ATG3: variants seen among roughly 807,000 people sequenced by gnomAD.
ATG3 encodes the protein autophagy related 3, also known as ubiquitin-like-conjugating enzyme ATG3.
In ATG3, 25 loss-of-function variants were observed where a neutral mutation model predicts 50.7. The ratio of observed to expected loss-of-function variants is 0.49; its 90% CI spans 0.36 to 0.69. ATG3 has a LOEUF of 0.69. ATG3 is among the 30% of genes least tolerant of loss of function. The pLI is 0.00. For missense variants in ATG3, 281 were observed against 376.0 expected (o/e 0.75, Z 2.09); for synonymous variants, 119 against 125.5 (o/e 0.95, Z 0.34).
intron 4 of ATG3, 88 bp downstream of exon 4, chr3:112,550,104 A>G: frequency 1.0e-6 from 1 of 956,776 alleles, no homozygotes; most frequent in South Asian, 1.7e-5. Flanking sequence ...AAACTAAGGA[A>G]AAAATTTTCA....
Position 112,538,150 on chromosome 3 carries a change from T to G in ATG3, c.506A>C (p.Asp169Ala). 1 of 1,581,790 alleles carries G rather than the reference T, an allele frequency of 6.3e-7. No homozygotes were observed. Among genetic ancestry groups the G allele is most frequent in the Non-Finnish European group, 8.6e-7 (1 of 1,160,542 alleles). ...AAGAAAACTCAATTTACAAACCTCA[T>G]CTGTTTCCAACAATCCACTCTCTTC... ...EYEESGLLET[D>A]EATLDTRKIV... is the part of the protein sequence containing the mutation. Residue 169 changes from aspartate to alanine, a missense_variant, in exon 8 of 12, where the codon GAT becomes GCT. Asp to Ala is a moderately radical substitution (Grantham distance 126). Around this residue, in one of 3 missense-constraint regions of ATG3, gnomAD observed 242 missense variants for 305.0 expected, o/e 0.79. Coordinates refer to ENST00000283290, the MANE Select transcript of ATG3 (RefSeq NM_022488.5).
intron 7 of ATG3, 172 bp from the exon 8 acceptor site, chr3:112,538,352 C>T (rs1343614501): frequency 1.1e-5 from 6 of 562,570 alleles, no homozygotes; most frequent in East Asian, 3.2e-5. Flanking sequence ...CTTCCAAAGG[C>T]GAAAGCCCAG....
At position 112,561,618 on chromosome 3, in the gene ATG3, A is replaced by G. The variant is rs542311905; in HGVS notation, c.-90T>C. 379 of 1,333,922 alleles carry G rather than the reference A, an allele frequency of 2.8e-4. No individual in the cohort carries two copies. The highest frequency in any genetic ancestry group is 7.7e-4 in the Middle Eastern group (4 of 5,224). 82.6% of individuals were successfully genotyped at this position (1,333,922 alleles called of 1,614,324 possible). A position where few individuals can be genotyped will look rare whatever the true frequency, so the allele number is the denominator to read the frequency against. ...GGAGTCAGAAAATGTCCTCGCTGCC[A>G]CCGACTCGCATCAGCACCCGGCTGG... On this transcript the variant is annotated 5_prime_UTR_variant, in exon 1 of 12. Coordinates refer to ENST00000283290, the MANE Select transcript of ATG3 (RefSeq NM_022488.5).
intron 5 of ATG3, among the ~76,000 whole-genome samples, chr3:112,546,568 C>A (rs1372750236): frequency 6.6e-6 from 1 of 152,200 alleles, no homozygotes; most frequent in Non-Finnish European, 1.5e-5. Flanking sequence ...ACTCTGTATA[C>A]ATCCTATGGG....
chr3:112,536,170 A>C, intron 10 of ATG3: 1 of 278,206 alleles, frequency 3.6e-6, no homozygotes, highest in Non-Finnish European at 6.8e-6. Flanking sequence ...CAAAAACAGA[A>C]TCTTCCAAAC....
chr3:112,540,629 G>A lies in ATG3; in HGVS notation c.475+1174C>T, dbSNP rs182468558. ...TCTGGGAGTACAGAGAGTAAGCAAGGGGAAAAAAAAAAGAAACCCACGGAA... is the reference window on the plus strand; with the variant it reads ...TCTGGGAGTACAGAGAGTAAGCAAGAGGAAAAAAAAAAGAAACCCACGGAA... On this transcript the variant is annotated intron_variant, in intron 7 of 11. Transcript: ENST00000283290. 6.5e-3 allele frequency among the ~76,000 whole-genome samples: 975 copies of A among 149,000 alleles called. 10 individuals are homozygous for A. Among genetic ancestry groups the A allele is most frequent in the Non-Finnish European group, 8.4e-3 (570 of 67,622 alleles).
chr3:112,533,272 C>A, intron 11 of ATG3: 6 of 984,758 alleles, frequency 6.1e-6, no homozygotes, highest in Non-Finnish European at 7.2e-6. Context: ...TAATTAAATT[C>A]TGAAATTTTT....
intron 3 of ATG3, among the ~76,000 whole-genome samples, chr3:112,552,472 A>C (rs1012053549): frequency 3.3e-5 from 5 of 152,042 alleles, no homozygotes; most frequent in African/African-American, 1.2e-4. Context: ...TGGTATCATA[A>C]ACCTTTCTTT....
At chr3:112,555,788 TAGAC>T (rs946949630) in intron 2 of ATG3, among the ~76,000 whole-genome samples, 2 of 152,238 alleles carry the variant, frequency 1.3e-5, no homozygotes, top group African/African-American at 2.4e-5. Context: ...CATTATGTAA[TAGAC>T]AGCCAGCTGG....
intron 5 of ATG3, among the ~76,000 whole-genome samples, chr3:112,547,654 C>T (rs1263193737): frequency 1.3e-5 from 2 of 152,174 alleles, no homozygotes; most frequent in African/African-American, 4.8e-5. Flanking sequence ...TTTCAAATAA[C>T]TCATAGAAAC....
intron 1 of ATG3, 65 bp downstream of exon 1, chr3:112,561,392 G>A: frequency 1.9e-6 from 3 of 1,539,652 alleles, no homozygotes; most frequent in South Asian, 1.1e-5. Context: ...GGACTCCTGC[G>A]GCGCCTGGTC....
At chr3:112,544,013 ATAAC>A (rs770131402) in intron 6 of ATG3, 40 bp downstream of exon 6, 12 of 1,423,548 alleles carry the variant, frequency 8.4e-6, no homozygotes, top group Non-Finnish European at 1.1e-5. Flanking sequence ...AGATAGGCAA[ATAAC>A]TACTCATTAA....
chr3:112,550,317 T>C (rs889013542), intron 3 of ATG3, 55 bp from the exon 4 acceptor site: 3 of 1,341,012 alleles, frequency 2.2e-6, no homozygotes, highest in Non-Finnish European at 3.2e-6. Context: ...TAGGCAAATA[T>C]ACAGCAGAAA....
rs751691687 is a variant in ATG3 at position 112,561,446 on chromosome 3, G to T, written c.72+11C>A. 1 of 1,611,896 alleles carries T rather than the reference G, an allele frequency of 6.2e-7. No homozygotes were observed. The highest frequency in any genetic ancestry group is 1.1e-5 in the South Asian group (1 of 91,060). On this transcript the variant is annotated intron_variant, in intron 1 of 11. Coordinates refer to ENST00000283290, the MANE Select transcript of ATG3 (RefSeq NM_022488.5). ...TGCCTGACAGCTCCCGGCAACCCTG[G>T]CCTGGCTTACCTTGAGGACCGGGGT...
At chr3:112,556,605 A>AT (rs1933690408) in intron 2 of ATG3, among the ~76,000 whole-genome samples, 1 of 152,226 alleles carries the variant, frequency 6.6e-6, no homozygotes, top group Non-Finnish European at 1.5e-5. Flanking sequence ...TGGGGAAAAG[A>AT]TTGAGAAATC....
rs1343170079 is a variant in ATG3 at position 112,561,444 on chromosome 3, T to C, written c.72+13A>G. The C allele has an allele frequency of 1.2e-6, 2 of 1,605,054 alleles. No individual in the cohort carries two copies. The highest frequency in any genetic ancestry group is 2.2e-5 in the South Asian group (2 of 90,960). ...TGTGCCTGACAGCTCCCGGCAACCC[T>C]GGCCTGGCTTACCTTGAGGACCGGG... On this transcript the variant is annotated intron_variant, in intron 1 of 11. Coordinates refer to ENST00000283290, the MANE Select transcript of ATG3 (RefSeq NM_022488.5).
At chr3:112,534,426 CTAT>C in intron 10 of ATG3, 89 bp from the exon 11 acceptor site, 1 of 1,000,316 alleles carries the variant, frequency 1.0e-6, no homozygotes, top group Admixed American at 3.2e-5. Context: ...GAAATCGACC[CTAT>C]TACTCTCAGT....
intron 5 of ATG3, among the ~76,000 whole-genome samples, chr3:112,544,394 G>T (rs1217220151): frequency 1.3e-5 from 2 of 152,102 alleles, no homozygotes; most frequent in Non-Finnish European, 2.9e-5. Context: ...GGTGGATCAC[G>T]CCTGTAATCC....
chr3:112,545,594 G>C (rs1933348745), intron 5 of ATG3, among the ~76,000 whole-genome samples: 1 of 152,074 alleles, frequency 6.6e-6, no homozygotes, highest in South Asian at 2.1e-4. Context: ...CTATATAATA[G>C]GTATGACTAT....
Sources: allele counts gnomAD v4.1 joint callset (sites outside exome capture counted in the v4.1 genomes callset), GRCh38; gene constraint gnomAD v4.1.1; regional missense constraint gnomAD v4.1.1; transcripts MANE v1.5; gene names NCBI Gene and HGNC (gene_info 2026-07-23, HGNC 2026-07-21).